Variants in HNRNPM observed in about 807,000 individuals in gnomAD.
The protein encoded by HNRNPM is CEA receptor.
HNRNPM carries 11 observed loss-of-function variants against 73.1 expected under a neutral mutation model. The ratio of observed to expected loss-of-function variants is 0.15; its 90% CI spans 0.09 to 0.25. HNRNPM has a LOEUF of 0.25. Among genes scored for constraint, HNRNPM ranks in the 10% least tolerant of loss-of-function variants. The pLI is 1.00. For synonymous variants in HNRNPM, 407 were observed against 355.2 expected, an observed-to-expected ratio of 1.15 and a Z score of -1.64; for missense variants, 789 against 1,067.9, an observed-to-expected ratio of 0.74 and a Z score of 3.64.
Position 8,445,054 on chromosome 19 carries a change from A to G in HNRNPM, c.56A>G (p.Glu19Gly), listed in dbSNP as rs1968029937. The change falls in exon 1 of 16, where the codon GAG (glutamate) becomes GGG (glycine). Residue 19 changes from glutamate to glycine, a missense_variant. Around this residue, in one of 4 missense-constraint regions of HNRNPM, gnomAD observed 79 missense variants for 70.7 expected, o/e 1.12. Coordinates refer to ENST00000325495, the MANE Select transcript of HNRNPM (RefSeq NM_005968.5). Reference protein sequence around the residue: ...AEVAATEIKMEEESGAPGVPS... With the variant: ...AEVAATEIKMGEESGAPGVPS... ...GTGGCGGCGACGGAGATCAAAATGG[A>G]GGAAGAGAGCGGCGCGCCCGGCGTG... The G allele has an allele frequency of 3.5e-6, 5 of 1,430,280 alleles. No individual in the cohort carries two copies. Among genetic ancestry groups the G allele is most frequent in the East Asian group, 5.7e-5 (2 of 35,284 alleles). The allele number at this position is 1,430,280 out of a possible 1,614,324, so 88.6% of individuals were successfully genotyped here. A position where few individuals can be genotyped will look rare whatever the true frequency, so the allele number is the denominator to read the frequency against.
chr19:8,454,682 C>CA (rs1311209686), intron 1 of HNRNPM, among the ~76,000 whole-genome samples: 1 of 124,944 alleles, frequency 8.0e-6, no homozygotes, highest in Non-Finnish European at 1.8e-5. Context: ...TGCCCCCCCC[C>CA]CCTTTTTTTT....
intron 1 of HNRNPM, among the ~76,000 whole-genome samples, chr19:8,447,260 C>CTTTTTTTTT (rs33978914): frequency 7.0e-6 from 1 of 142,966 alleles, no homozygotes. Flanking sequence ...CTGTGGAAAA[C>CTTTTTTTTT]TTTTTTTTTT....
In HNRNPM at chr19:8,444,978, C is replaced by T. The variant is rs544147514; in HGVS notation, c.-21C>T. Reference sequence around the variant, plus strand: ...GCGCGGTGCAGCCCGTTCGCTCACACAAAGCCCAGACGCGGAGAAAATGGC... The same window carrying T: ...GCGCGGTGCAGCCCGTTCGCTCACATAAAGCCCAGACGCGGAGAAAATGGC... On this transcript the variant is annotated 5_prime_UTR_variant, in exon 1 of 16. Coordinates refer to ENST00000325495, the MANE Select transcript of HNRNPM (RefSeq NM_005968.5). 1.4e-6 allele frequency: 2 copies of T among 1,384,144 alleles called. No homozygotes were observed. Among genetic ancestry groups the T allele is most frequent in the East Asian group, 6.0e-5 (2 of 33,578 alleles). The allele number at this position is 1,384,144 out of a possible 1,614,324, so 85.7% of individuals were successfully genotyped here. A position where few individuals can be genotyped will look rare whatever the true frequency, so the allele number is the denominator to read the frequency against.
intron 1 of HNRNPM, among the ~76,000 whole-genome samples, chr19:8,449,894 AGTGACGACATG>A (rs1162419548): frequency 6.6e-6 from 1 of 152,228 alleles, no homozygotes; most frequent in Non-Finnish European, 1.5e-5. Flanking sequence ...ACCGAGGCCT[AGTGACGACATG>A]GTGACCCCAG....
At chr19:8,486,714 C>T (rs967183352) in intron 14 of HNRNPM, among the ~76,000 whole-genome samples, 33 of 152,152 alleles carry the variant, frequency 2.2e-4, no homozygotes, top group Non-Finnish European at 1.5e-5. Flanking sequence ...GTGGCTGTAA[C>T]GGAATTATTT....
chr19:8,483,065 TTAG>T, intron 12 of HNRNPM, 90 bp from the exon 13 acceptor site: 1 of 760,614 alleles, frequency 1.3e-6, no homozygotes, highest in Non-Finnish European at 2.3e-6. Flanking sequence ...GTCATTTTTA[TTAG>T]TAGTATTTCT....
intron 12 of HNRNPM, 132 bp downstream of exon 12, chr19:8,474,376 T>G (rs1161382441): frequency 5.3e-6 from 3 of 566,218 alleles, no homozygotes; most frequent in Non-Finnish European, 9.3e-6. Context: ...AAATGTCTTT[T>G]GAATTGCCTT....
intron 7 of HNRNPM, 28 bp downstream of exon 7, chr19:8,466,416 G>C (rs1367215695): frequency 6.2e-7 from 1 of 1,611,610 alleles, no homozygotes; most frequent in African/African-American, 1.3e-5. Flanking sequence ...TTCAACTTAT[G>C]AACAGTTTGA....
chr19:8,445,204 C>T (rs1942387130), intron 1 of HNRNPM, 93 bp downstream of exon 1: 4 of 1,140,204 alleles, frequency 3.5e-6, no homozygotes, highest in East Asian at 3.2e-5. Flanking sequence ...CGGCCTAGCC[C>T]CGGCGCGGCC....
rs1164262959 is a variant in HNRNPM at position 8,488,812 on chromosome 19, G to A, written c.2151G>A (p.Leu717=). 5 of 1,614,058 alleles carry A rather than the reference G, an allele frequency of 3.1e-6. No homozygotes were observed. The highest frequency in any genetic ancestry group is 4.2e-6 in the Non-Finnish European group (5 of 1,180,042). ...GCCGGATGATGAATGGCATGAAGCT[G>A]AGTGGCCGAGAGATTGACGTTCGAA... The part of the protein sequence containing the change: ...RACRMMNGMK[L]SGREIDVRID... The change falls in exon 16 of 16, where the codon CTG becomes CTA. Residue 717 remains leucine (L), a synonymous_variant. Coordinates refer to ENST00000325495, the MANE Select transcript of HNRNPM (RefSeq NM_005968.5).
intron 9 of HNRNPM, among the ~76,000 whole-genome samples, chr19:8,469,954 G>C (rs975662935): frequency 6.6e-6 from 1 of 152,236 alleles, no homozygotes; most frequent in Non-Finnish European, 1.5e-5. Flanking sequence ...CTGTTGAAAG[G>C]CAACATTAGT....
rs1388175112 is a variant in HNRNPM at position 8,489,035 on chromosome 19, A to G, written c.*181A>G. On this transcript the variant is annotated 3_prime_UTR_variant, in exon 16 of 16. Transcript: ENST00000325495. Reference sequence around the variant, plus strand: ...TTTGACTGTTTGCATTGAGATTGCAATGTGCGCAATTTTTTTTGTAGTTGT... The same window carrying G: ...TTTGACTGTTTGCATTGAGATTGCAGTGTGCGCAATTTTTTTTGTAGTTGT... 1 of 561,420 alleles carries G rather than the reference A, an allele frequency of 1.8e-6. No individual in the cohort carries two copies. Among genetic ancestry groups the G allele is most frequent in the East Asian group, 3.0e-5 (1 of 32,916 alleles). The allele number at this position is 561,420 out of a possible 1,614,324, so 34.8% of individuals were successfully genotyped here. A position where few individuals can be genotyped will look rare whatever the true frequency, so the allele number is the denominator to read the frequency against.
chr19:8,485,242 C>T (rs979865558), intron 13 of HNRNPM, among the ~76,000 whole-genome samples: 32 of 152,006 alleles, frequency 2.1e-4, no homozygotes, highest in Non-Finnish European at 4.0e-4. Context: ...CCATGCCTCC[C>T]CCTGGAGCAT....
At position 8,468,831 on chromosome 19, in the gene HNRNPM, C is replaced by A; in HGVS notation, c.892C>A (p.Pro298Thr). 1 of 1,611,706 alleles carries A rather than the reference C, an allele frequency of 6.2e-7. No homozygotes were observed. The highest frequency in any genetic ancestry group is 8.5e-7 in the Non-Finnish European group (1 of 1,177,834). The change falls in exon 9 of 16, where the codon CCC (proline) becomes ACC (threonine). Residue 298 changes from proline to threonine, a missense_variant. Physicochemically the swap from Pro to Thr is conservative, Grantham distance 38 (BLOSUM62 -1). Transcript: ENST00000325495. The part of the protein sequence containing the change: ...FFPPERPQQL[P>T]HGLGGIGMGL... The stretch of plus-strand genomic sequence containing the variant: ...CCCTCCTGAGCGTCCACAACAACTT[C>A]CCCGTAAGTGTTTCAGTGATTAGGG...
intron 1 of HNRNPM, among the ~76,000 whole-genome samples, chr19:8,449,516 C>T (rs1485842810): frequency 6.6e-6 from 1 of 152,060 alleles, no homozygotes; most frequent in Non-Finnish European, 1.5e-5. Flanking sequence ...ACATCATTGC[C>T]TCACTGTGTG....
At chr19:8,473,093 TA>T (rs529877357) in intron 10 of HNRNPM, among the ~76,000 whole-genome samples, 4 of 151,638 alleles carry the variant, frequency 2.6e-5, no homozygotes, top group South Asian at 2.1e-4. Flanking sequence ...CTACAAAATA[TA>T]AAAAAAATCA....
Position 8,471,369 on chromosome 19 carries a change from A to G in HNRNPM, c.939A>G (p.Gln313=). 6.2e-7 allele frequency: 1 copy of G among 1,608,750 alleles called. No individual in the cohort carries two copies. Among genetic ancestry groups the G allele is most frequent in the Non-Finnish European group, 8.5e-7 (1 of 1,177,636 alleles). The change falls in exon 10 of 16, where the codon CAA becomes CAG. Residue 313 remains glutamine (Q), a synonymous_variant. Transcript: ENST00000325495. ...GCATGGGGTTAGGACCAGGAGGGCA[A>G]CCCATTGATGCCAATCACCTGAATA... is the stretch of plus-strand genomic sequence containing the variant. ...GIGMGLGPGG[Q]PIDANHLNKG...
chr19:8,454,494 T>C (rs1351412364), intron 1 of HNRNPM, among the ~76,000 whole-genome samples: 2 of 152,210 alleles, frequency 1.3e-5, no homozygotes, highest in Non-Finnish European at 2.9e-5. Flanking sequence ...AGACACTTGG[T>C]TGTTTCTACC....
In HNRNPM at chr19:8,472,279, A is replaced by G. The variant is rs566396043; in HGVS notation, c.997+852A>G. Among the ~76,000 whole-genome samples the G allele has an allele frequency of 1.3e-4, 20 of 150,948 alleles. No individual in the cohort carries two copies. The East Asian group carries it at 2.3e-3, about 18-fold the overall frequency. ...CTGTGTAATGATGTATTTTGATTCT[A>G]TTAAGGAATATGTCATTTTTATGAC... On this transcript the variant is annotated intron_variant, in intron 10 of 15. Coordinates refer to ENST00000325495, the MANE Select transcript of HNRNPM (RefSeq NM_005968.5).
Sources: allele counts gnomAD v4.1 joint callset (sites outside exome capture counted in the v4.1 genomes callset), GRCh38; gene constraint gnomAD v4.1.1; regional missense constraint gnomAD v4.1.1; transcripts MANE v1.5; gene names NCBI Gene and HGNC (gene_info 2026-07-23, HGNC 2026-07-21).